Variants in SEPTIN10 observed in about 807,000 individuals in gnomAD.
SEPTIN10 encodes the protein septin 10, also known as septin-10.
In SEPTIN10, 66 loss-of-function variants were observed where a neutral mutation model predicts 54.8. The observed-to-expected ratio is 1.21, with a 90% confidence interval of 0.99 to 1.48. The LOEUF (loss-of-function observed/expected upper bound fraction) is 1.48. SEPTIN10 is among the 40% of genes most tolerant of loss of function. The pLI is 0.00. For missense variants in SEPTIN10, 620 were observed against 545.6 expected, an observed-to-expected ratio of 1.14 and a Z score of -1.36; for synonymous variants, 161 against 181.0, an observed-to-expected ratio of 0.89 and a Z score of 0.89.
chr2:109,545,086 A>G, intron 10 of SEPTIN10: 1 of 985,432 alleles, frequency 1.0e-6, no homozygotes, highest in Non-Finnish European at 1.2e-6. Flanking sequence ...TATTCTGAAA[A>G]TGGGTCTGAA....
At chr2:109,613,605 A>G (rs1334833811) in intron 1 of SEPTIN10, 193 bp downstream of exon 1, 1 of 310,354 alleles carries the variant, frequency 3.2e-6, no homozygotes, top group Non-Finnish European at 5.6e-6. Flanking sequence ...GGCCGCGCCC[A>G]GGCTCCGCAG....
intron 1 of SEPTIN10, among the ~76,000 whole-genome samples, chr2:109,602,332 A>G (rs905089377): frequency 5.3e-5 from 8 of 152,330 alleles, no homozygotes; most frequent in African/African-American, 1.9e-4. Flanking sequence ...ATAAAATTGC[A>G]TCTTATTGAT....
At chr2:109,592,485 G>A (rs547701467) in intron 2 of SEPTIN10, among the ~76,000 whole-genome samples, 3 of 138,796 alleles carry the variant, frequency 2.2e-5, no homozygotes, top group Admixed American at 1.5e-4. Context: ...AACAAACAAC[G>A]AATGATAAAA....
intron 9 of SEPTIN10, among the ~76,000 whole-genome samples, chr2:109,549,651 G>A (rs1036449556): frequency 2.0e-5 from 3 of 152,134 alleles, no homozygotes; most frequent in African/African-American, 4.8e-5. Flanking sequence ...AGTATGGTAC[G>A]ATAGTCCCCC....
At chr2:109,568,181 G>C (rs1687528176) in intron 5 of SEPTIN10, among the ~76,000 whole-genome samples, 1 of 151,932 alleles carries the variant, frequency 6.6e-6, no homozygotes, top group South Asian at 2.1e-4. Flanking sequence ...CTTGTGTACT[G>C]TCTACAGTTG....
chr2:109,553,856 A>G (rs1308911801), intron 8 of SEPTIN10, among the ~76,000 whole-genome samples: 1 of 151,184 alleles, frequency 6.6e-6, no homozygotes, highest in Non-Finnish European at 1.5e-5. Context: ...TCTGTCTCAA[A>G]AAAAAAAAAA....
At chr2:109,596,277 G>A (rs1695281912) in intron 1 of SEPTIN10, among the ~76,000 whole-genome samples, 1 of 152,124 alleles carries the variant, frequency 6.6e-6, no homozygotes, top group African/African-American at 2.4e-5. Flanking sequence ...GAGTTTTGGT[G>A]AAATGTTGCT....
chr2:109,576,822 G>A (rs1158983099), intron 4 of SEPTIN10, among the ~76,000 whole-genome samples: 1 of 152,064 alleles, frequency 6.6e-6, no homozygotes, highest in Non-Finnish European at 1.5e-5. Flanking sequence ...GAGCGATTAA[G>A]AGTAAAAGAC....
intron 1 of SEPTIN10, among the ~76,000 whole-genome samples, chr2:109,610,087 C>T (rs1698915207): frequency 6.7e-6 from 1 of 148,550 alleles, no homozygotes; most frequent in African/African-American, 2.5e-5. Flanking sequence ...ACTAAACTTC[C>T]CTGAGGTGTT....
chr2:109,585,618 G>A, intron 3 of SEPTIN10, 103 bp downstream of exon 3: 2 of 868,818 alleles, frequency 2.3e-6, no homozygotes, highest in Non-Finnish European at 3.8e-6. Context: ...CTGGGATCAT[G>A]ATTTCAAATT....
At chr2:109,570,491 A>G (rs981108639) in intron 5 of SEPTIN10, among the ~76,000 whole-genome samples, 1 of 151,952 alleles carries the variant, frequency 6.6e-6, no homozygotes, top group African/African-American at 2.4e-5. Flanking sequence ...AAAATACAAT[A>G]TAACAACTAT....
chr2:109,576,692 A>G (rs1277104184), intron 4 of SEPTIN10, among the ~76,000 whole-genome samples: 4 of 152,206 alleles, frequency 2.6e-5, no homozygotes, highest in Non-Finnish European at 5.9e-5. Flanking sequence ...CCATAAATGT[A>G]CCTCTATCTG....
chr2:109,585,205 G>A lies in SEPTIN10; in HGVS notation c.334C>T (p.Leu112Phe), dbSNP rs761173204. The A allele has an allele frequency of 1.2e-6, 2 of 1,612,656 alleles. No individual in the cohort carries two copies. Among genetic ancestry groups the A allele is most frequent in the South Asian group, 1.1e-5 (1 of 90,848 alleles). Residue 112 changes from leucine (L) to phenylalanine (F), a missense_variant, in exon 4 of 11, where the codon CTC becomes TTC. By Grantham distance (22) the Leu-to-Phe change is conservative. Transcript: ENST00000397712. ...TTCAATTGAACATTACTTTCCTGGAGTTCATATGTCTGAGCTTTAAGTTTA... is the reference window on the plus strand; with the variant it reads ...TTCAATTGAACATTACTTTCCTGGAATTCATATGTCTGAGCTTTAAGTTTA... Reference protein sequence around the residue: ...NVKLKAQTYELQESNVQLKLT... With the variant: ...NVKLKAQTYEFQESNVQLKLT...
chr2:109,551,934 G>A (rs561077567), intron 9 of SEPTIN10, among the ~76,000 whole-genome samples: 2 of 152,296 alleles, frequency 1.3e-5, no homozygotes, highest in South Asian at 4.1e-4. Flanking sequence ...ATCTAGACCA[G>A]GGGTCCCCAA....
intron 9 of SEPTIN10, chr2:109,552,580 C>A (rs187213781): frequency 1.3e-5 from 2 of 155,166 alleles, no homozygotes; most frequent in Non-Finnish European, 2.8e-5. Context: ...CACAGTAAGA[C>A]GCATACACTG....
chr2:109,590,050 GTGTGTGTA>G (rs1357766921), intron 2 of SEPTIN10, among the ~76,000 whole-genome samples: 1 of 143,952 alleles, frequency 6.9e-6, no homozygotes. Flanking sequence ...ACATATATAT[GTGTGTGTA>G]TATATATACA....
At chr2:109,586,647 G>A (rs1692615039) in intron 2 of SEPTIN10, among the ~76,000 whole-genome samples, 2 of 152,332 alleles carry the variant, frequency 1.3e-5, no homozygotes, top group South Asian at 2.1e-4. Context: ...CCAGAAGGGG[G>A]AAAATGGGAA....
intron 1 of SEPTIN10, among the ~76,000 whole-genome samples, chr2:109,612,146 AT>A (rs1303390134): frequency 6.6e-6 from 1 of 152,218 alleles, no homozygotes; most frequent in Non-Finnish European, 1.5e-5. Context: ...CTGCAGATAT[AT>A]GCAACAACCT....
chr2:109,591,200 G>T (rs1444648161), intron 2 of SEPTIN10, among the ~76,000 whole-genome samples: 1 of 152,196 alleles, frequency 6.6e-6, no homozygotes, highest in Non-Finnish European at 1.5e-5. Flanking sequence ...AAGTGTTCAA[G>T]ATGGTAAGAA....
Sources: allele counts gnomAD v4.1 joint callset (sites outside exome capture counted in the v4.1 genomes callset), GRCh38; gene constraint gnomAD v4.1.1; transcripts MANE v1.5; gene names NCBI Gene and HGNC (gene_info 2026-07-23, HGNC 2026-07-21).